The following NME8 variants were observed in gnomAD, a reference collection of about 807,000 sequenced individuals.
The protein encoded by NME8 is protein NME8.
Under a neutral mutation model 82.3 loss-of-function variants are expected in NME8, and 72 were observed. That is an observed-to-expected ratio of 0.87 (90% CI 0.72 to 1.06). NME8 has a LOEUF of 1.06. Among genes scored for constraint, NME8 ranks in the 50% least tolerant of loss-of-function variants. The probability of loss-of-function intolerance (pLI) is 0.00; values close to 1 mark genes in which losing one functional copy is unlikely to be tolerated. For synonymous variants in NME8, 267 were observed against 228.5 expected (o/e 1.17, Z -1.52); for missense variants, 712 against 685.4 (o/e 1.04, Z -0.43).
Position 37,876,243 on chromosome 7 carries a change from T to C in NME8, c.819-589T>C, listed in dbSNP as rs929789923. Among the ~76,000 whole-genome samples, 99 of 149,998 alleles carry C rather than the reference T, an allele frequency of 6.6e-4. 2 individuals are homozygous for C. The highest frequency in any genetic ancestry group is 5.8e-3 in the South Asian group (26 of 4,478). On this transcript the variant is annotated intron_variant, in intron 11 of 17. Transcript: ENST00000199447. ...ATATATATATATATAGATAGATAGA[T>C]AGATAGATAGATAGATAATAAATTA... is the stretch of plus-strand genomic sequence containing the variant.
At chr7:37,863,600 GC>G in intron 8 of NME8, 138 bp downstream of exon 8, 1 of 678,932 alleles carries the variant, frequency 1.5e-6, no homozygotes, top group South Asian at 1.6e-5. Flanking sequence ...GATGATTTGG[GC>G]CTTGCAAGAC....
intron 15 of NME8, among the ~76,000 whole-genome samples, chr7:37,893,733 C>A (rs1398093748): frequency 1.3e-5 from 2 of 152,152 alleles, no homozygotes; most frequent in Non-Finnish European, 2.9e-5. Context: ...CTCATGATAT[C>A]TTTATAGGCC....
At chr7:37,889,823 C>T (rs1436239842) in intron 15 of NME8, among the ~76,000 whole-genome samples, 1 of 151,806 alleles carries the variant, frequency 6.6e-6, no homozygotes, top group African/African-American at 2.4e-5. Context: ...ATAAAACCAG[C>T]CTTACAGTTT....
chr7:37,864,585 G>A (rs969198247), intron 9 of NME8, among the ~76,000 whole-genome samples, 164 bp downstream of exon 9: 4 of 152,070 alleles, frequency 2.6e-5, no homozygotes, highest in South Asian at 2.1e-4. Context: ...TACAAGGCTC[G>A]ATCTATTCAT....
At chr7:37,893,342 T>C (rs1785163401) in intron 15 of NME8, among the ~76,000 whole-genome samples, 1 of 152,194 alleles carries the variant, frequency 6.6e-6, no homozygotes, top group East Asian at 1.9e-4. Context: ...AAGGAAATTA[T>C]CGTTTTAGAG....
Position 37,851,481 on chromosome 7 carries a change from A to G in NME8, c.198+746A>G, listed in dbSNP as rs183451937. On this transcript the variant is annotated intron_variant, in intron 5 of 17. Transcript: ENST00000199447. ...GCTAATTAAGGATTAATTATTTCTG[A>G]TTAACATTTAGCATATGAATTAAGA... Among the ~76,000 whole-genome samples, 67 of 138,698 alleles carry G rather than the reference A, an allele frequency of 4.8e-4. 1 individual carries two copies. The East Asian group carries it at 0.013, about 27-fold the overall frequency. The allele number at this position is 138,698 out of a possible 152,430, so 91.0% of individuals were successfully genotyped here.
At chr7:37,897,538 A>C (rs912027456) in intron 17 of NME8, among the ~76,000 whole-genome samples, 1 of 152,178 alleles carries the variant, frequency 6.6e-6, no homozygotes, top group Non-Finnish European at 1.5e-5. Context: ...CAAAAACAAA[A>C]CAAAACAAAC....
intron 5 of NME8, among the ~76,000 whole-genome samples, chr7:37,856,462 T>C (rs1039584546): frequency 6.6e-6 from 1 of 152,106 alleles, no homozygotes; most frequent in Admixed American, 6.6e-5. Context: ...AAATAAATGA[T>C]TGTTGTTCAG....
chr7:37,859,530 G>C (rs1446607465), intron 6 of NME8, among the ~76,000 whole-genome samples: 1 of 152,160 alleles, frequency 6.6e-6, no homozygotes, highest in African/African-American at 2.4e-5. Flanking sequence ...TTCAGAATGT[G>C]AAGTATAGTT....
chr7:37,884,545 G>A, intron 13 of NME8, 98 bp downstream of exon 13: 1 of 1,020,950 alleles, frequency 9.8e-7, no homozygotes, highest in Non-Finnish European at 1.5e-6. Context: ...AACTCCTCAA[G>A]TCTGTAAACA....
chr7:37,874,990 A>G (rs1454192692), intron 11 of NME8, among the ~76,000 whole-genome samples: 1 of 152,210 alleles, frequency 6.6e-6, no homozygotes, highest in African/African-American at 2.4e-5. Context: ...TGGAGCAAGT[A>G]ACGGACCAAG....
chr7:37,887,257 C>T (rs1785056881), intron 14 of NME8, among the ~76,000 whole-genome samples: 1 of 152,164 alleles, frequency 6.6e-6, no homozygotes, highest in African/African-American at 2.4e-5. Flanking sequence ...ATCACTCCTG[C>T]CTCTTCCCAC....
chr7:37,881,771 A>C (rs115562450), intron 12 of NME8, among the ~76,000 whole-genome samples: 157 of 152,338 alleles, frequency 1.0e-3, no homozygotes, highest in African/African-American at 3.7e-3. Flanking sequence ...TCACTAGCAA[A>C]ATAATCTAGT....
chr7:37,858,573 C>G (rs919758226), intron 6 of NME8, among the ~76,000 whole-genome samples: 4 of 152,022 alleles, frequency 2.6e-5, no homozygotes, highest in Non-Finnish European at 5.9e-5. Flanking sequence ...GACTCCTAAA[C>G]TAGATGTCAT....
chr7:37,863,462 C>T lies in NME8; in HGVS notation c.454C>T (p.Gln152Ter), dbSNP rs199901385. ...VSEESPCESVQELYSIAIIKP... is the reference protein window; with the variant it reads ...VSEESPCESV ...TGAAGAATCACCATGTGAAAGTGTT[C>T]GTAAGTAAATTTACTTCAAAGTAAT... Residue 152 changes from glutamine (Q) to a stop codon, truncating the protein, a stop_gained and splice_region_variant, in exon 8 of 18, where the codon CAG becomes TAG. Transcript: ENST00000199447. LOFTEE classifies it high-confidence loss of function. 884 of 1,581,220 alleles carry T rather than the reference C, an allele frequency of 5.6e-4. 6 individuals carry two copies. The South Asian group carries it at 6.4e-3, about 11-fold the overall frequency.
chr7:37,867,113 G>A (rs1784695226), intron 10 of NME8, among the ~76,000 whole-genome samples: 1 of 152,142 alleles, frequency 6.6e-6, no homozygotes, highest in Non-Finnish European at 1.5e-5. Context: ...GTGCATTTGT[G>A]TCTGGTGAGC....
intron 11 of NME8, among the ~76,000 whole-genome samples, chr7:37,873,535 A>C (rs1784803617): frequency 6.7e-6 from 1 of 150,242 alleles, no homozygotes; most frequent in Non-Finnish European, 1.5e-5. Context: ...TTAATCTGTC[A>C]CAGAAAATGA....
chr7:37,863,327 C>A, intron 7 of NME8, 69 bp from the exon 8 acceptor site: 1 of 915,876 alleles, frequency 1.1e-6, no homozygotes, highest in Non-Finnish European at 1.8e-6. Context: ...TACAAAATTT[C>A]TAAAAACCCA....
chr7:37,882,316 A>G (rs530182128), intron 12 of NME8, among the ~76,000 whole-genome samples: 1 of 151,982 alleles, frequency 6.6e-6, no homozygotes, highest in South Asian at 2.1e-4. Context: ...GTGAAACCTC[A>G]TCTCTACTAA....
Sources: gnomAD v4.1 joint callset for allele counts (sites outside exome capture counted in the v4.1 genomes callset) on GRCh38, gnomAD v4.1.1 for gene constraint, MANE v1.5 for transcripts, NCBI Gene and HGNC (gene_info 2026-07-23, HGNC 2026-07-21) for gene names.